Variants in PTPRR observed in about 807,000 individuals in gnomAD.
The protein encoded by PTPRR is receptor-type tyrosine-protein phosphatase R.
PTPRR carries 38 observed loss-of-function variants against 77.2 expected under a neutral mutation model. The ratio of observed to expected loss-of-function variants is 0.49; its 90% confidence interval spans 0.38 to 0.65. PTPRR has a LOEUF of 0.65. Ranked by LOEUF, PTPRR falls within the 30% of genes least tolerant of loss-of-function variation. PTPRR has a pLI of 0.00. For synonymous variants in PTPRR, 299 were observed against 283.1 expected, an observed-to-expected ratio of 1.06 and a Z score of -0.57; for missense variants, 744 against 799.2, an observed-to-expected ratio of 0.93 and a Z score of 0.83.
intron 6 of PTPRR, among the ~76,000 whole-genome samples, chr12:70,713,177 C>A (rs996872303): frequency 1.3e-5 from 2 of 152,082 alleles, no homozygotes; most frequent in Non-Finnish European, 1.5e-5. Context: ...ACTTCTTTTA[C>A]GTAGCATAAA....
intron 2 of PTPRR, among the ~76,000 whole-genome samples, chr12:70,876,510 A>G (rs1592809004): frequency 6.6e-6 from 1 of 152,222 alleles, no homozygotes; most frequent in African/African-American, 2.4e-5. Context: ...ACTGAGTTAT[A>G]CCTATGACAT....
intron 6 of PTPRR, among the ~76,000 whole-genome samples, chr12:70,704,216 G>A (rs1888534034): frequency 6.6e-6 from 1 of 152,022 alleles, no homozygotes; most frequent in South Asian, 2.1e-4. Context: ...GAGGCCAGGA[G>A]TTTGAGACTG....
intron 1 of PTPRR, among the ~76,000 whole-genome samples, chr12:70,912,203 C>A (rs1362985107): frequency 1.3e-5 from 2 of 152,114 alleles, no homozygotes; most frequent in African/African-American, 4.8e-5. Context: ...TCATTTTTCC[C>A]AGATAAGTGA....
chr12:70,879,129 C>A (rs983858546), intron 2 of PTPRR, among the ~76,000 whole-genome samples: 3 of 152,090 alleles, frequency 2.0e-5, no homozygotes, highest in Non-Finnish European at 4.4e-5. Flanking sequence ...GAAGGGAAAG[C>A]ATTGGGAGAT....
chr12:70,646,752 T>A (rs891542592), intron 13 of PTPRR, among the ~76,000 whole-genome samples: 6 of 152,172 alleles, frequency 3.9e-5, no homozygotes, highest in Non-Finnish European at 7.4e-5. Context: ...ATTAGAGGAA[T>A]CTTTGTGATT....
chr12:70,846,582 G>A (rs986163407), intron 2 of PTPRR, among the ~76,000 whole-genome samples: 5 of 152,216 alleles, frequency 3.3e-5, no homozygotes, highest in South Asian at 2.1e-4. Context: ...GGCCTTTAGG[G>A]ATTGATTAGA....
At position 70,920,696 on chromosome 12, in the gene PTPRR, G is replaced by T. The variant is rs1288187469; in HGVS notation, c.-306C>A. On this transcript the variant is annotated 5_prime_UTR_variant, in exon 1 of 14. Transcript: ENST00000283228. ...GCGGAGACGGCAGGGTGGACTCCGC[G>T]CCAGCCCAGCAGCCCAGCAGCAGCG... 5.8e-6 allele frequency: 2 copies of T among 343,894 alleles called. No individual in the cohort carries two copies. The highest frequency in any genetic ancestry group is 2.1e-5 in the African/African-American group (1 of 47,852). 21.3% of individuals were successfully genotyped at this position (343,894 alleles called of 1,614,324 possible).
At chr12:70,832,030 A>G (rs1171217489) in intron 2 of PTPRR, among the ~76,000 whole-genome samples, 2 of 152,244 alleles carry the variant, frequency 1.3e-5, no homozygotes, top group Non-Finnish European at 2.9e-5. Context: ...TAACTTTATC[A>G]TAGCAAATTT....
chr12:70,683,371 CAGAAT>C (rs1209762217), intron 10 of PTPRR, among the ~76,000 whole-genome samples: 2 of 152,074 alleles, frequency 1.3e-5, no homozygotes, highest in Non-Finnish European at 2.9e-5. Flanking sequence ...ATGCAAAATA[CAGAAT>C]AAGTATTCTG....
chr12:70,891,562 C>T (rs1036241852), intron 2 of PTPRR, among the ~76,000 whole-genome samples: 2 of 152,012 alleles, frequency 1.3e-5, no homozygotes, highest in Non-Finnish European at 2.9e-5. Context: ...GTGTTCTTAG[C>T]TTATGATTTT....
At chr12:70,898,163 A>G (rs1269565952) in intron 1 of PTPRR, among the ~76,000 whole-genome samples, 1 of 151,322 alleles carries the variant, frequency 6.6e-6, no homozygotes, top group Non-Finnish European at 1.5e-5. Context: ...AATAATAATA[A>G]AAAAAGAGAA....
intron 10 of PTPRR, chr12:70,672,790 T>C (rs1305262376): frequency 6.4e-7 from 1 of 1,562,294 alleles, no homozygotes; most frequent in Non-Finnish European, 8.7e-7. Flanking sequence ...ACCTTCTGTC[T>C]TTCTCAAGAA....
At chr12:70,806,944 C>T (rs9804892) in intron 2 of PTPRR, among the ~76,000 whole-genome samples, 3,637 of 152,238 alleles carry the variant, frequency 0.024, 91 homozygotes, top group African/African-American at 0.063. Context: ...TCCCACAAGA[C>T]GGGTTGGAAA....
At chr12:70,708,925 C>G (rs1456290304) in intron 6 of PTPRR, among the ~76,000 whole-genome samples, 1 of 151,836 alleles carries the variant, frequency 6.6e-6, no homozygotes. Flanking sequence ...CCTTTTAATC[C>G]TGATCATTAC....
At chr12:70,674,228 C>A (rs1376246165) in intron 10 of PTPRR, among the ~76,000 whole-genome samples, 1 of 152,266 alleles carries the variant, frequency 6.6e-6, no homozygotes, top group Admixed American at 6.5e-5. Context: ...AGCCACCATG[C>A]CTGGCCTCAT....
At chr12:70,706,448 C>T (rs969934798) in intron 6 of PTPRR, among the ~76,000 whole-genome samples, 1 of 151,836 alleles carries the variant, frequency 6.6e-6, no homozygotes, top group African/African-American at 2.4e-5. Flanking sequence ...ATAAAAGATG[C>T]CAGGCATGAA....
intron 2 of PTPRR, among the ~76,000 whole-genome samples, chr12:70,771,322 C>A (rs1215310135): frequency 6.6e-6 from 1 of 151,994 alleles, no homozygotes; most frequent in African/African-American, 2.4e-5. Context: ...TGCATGTTCT[C>A]ACTTATAAGT....
chr12:70,658,101 T>A (rs993256866), intron 12 of PTPRR, among the ~76,000 whole-genome samples: 1 of 152,224 alleles, frequency 6.6e-6, no homozygotes, highest in African/African-American at 2.4e-5. Context: ...TGAATGTGAC[T>A]AACTTTCAAG....
chr12:70,900,315 G>C (rs1170664977), intron 1 of PTPRR, among the ~76,000 whole-genome samples: 1 of 151,416 alleles, frequency 6.6e-6, no homozygotes, highest in Non-Finnish European at 1.5e-5. Context: ...GATCAATGGT[G>C]CAAAATAGAG....
Sources: allele counts gnomAD v4.1 joint callset (sites outside exome capture counted in the v4.1 genomes callset), GRCh38; gene constraint gnomAD v4.1.1; transcripts MANE v1.5; gene names NCBI Gene and HGNC (gene_info 2026-07-23, HGNC 2026-07-21).